Variants in MRPS21 observed in about 807,000 individuals in gnomAD.
MRPS21 encodes small ribosomal subunit protein bS21m.
Under a neutral mutation model 9.9 loss-of-function variants are expected in MRPS21, and 8 were observed. The ratio of observed to expected loss-of-function variants is 0.81; its 90% CI spans 0.47 to 1.45. The LOEUF (loss-of-function observed/expected upper bound fraction) is 1.45. Among genes scored for constraint, MRPS21 ranks in the 40% most tolerant of loss-of-function variants. MRPS21 has a pLI of 0.00. For missense variants in MRPS21, 101 were observed against 118.9 expected (o/e 0.85, Z 0.70); for synonymous variants, 40 against 40.3 (o/e 0.99, Z 0.03).
At chr1:150,294,896 C>CAAA (rs143847321) in intron 2 of MRPS21, among the ~76,000 whole-genome samples, 3 of 136,360 alleles carry the variant, frequency 2.2e-5, no homozygotes, top group Non-Finnish European at 3.1e-5. Flanking sequence ...GACTCTATCT[C>CAAA]AAAAAAAAAG....
At chr1:150,296,785 A>G (rs1287205449) in intron 2 of MRPS21, among the ~76,000 whole-genome samples, 1 of 152,084 alleles carries the variant, frequency 6.6e-6, no homozygotes, top group Non-Finnish European at 1.5e-5. Flanking sequence ...AAATGGAAAG[A>G]CTTATGGTGG....
chr1:150,305,594 GT>G (rs1301191274), intron 2 of MRPS21, among the ~76,000 whole-genome samples: 1 of 152,052 alleles, frequency 6.6e-6, no homozygotes, highest in Non-Finnish European at 1.5e-5. Context: ...TATAGGGCAC[GT>G]GTTTTGTTTT....
chr1:150,305,218 T>G (rs186565846), intron 2 of MRPS21, among the ~76,000 whole-genome samples: 43 of 152,172 alleles, frequency 2.8e-4, no homozygotes, highest in African/African-American at 9.1e-4. Context: ...TTTTATTTTT[T>G]GTGGAGATGG....
chr1:150,294,338 C>A lies in MRPS21; in HGVS notation c.-29C>A. On this transcript the variant is annotated 5_prime_UTR_variant, in exon 2 of 3. Transcript: ENST00000614145. ...CCCTTTCTCCATCATCCTTTAGGCTCTACAGAGTGAAGGTTTAAATCCAAG... is the reference window on the plus strand; with the variant it reads ...CCCTTTCTCCATCATCCTTTAGGCTATACAGAGTGAAGGTTTAAATCCAAG... 1 of 1,586,708 alleles carries A rather than the reference C, an allele frequency of 6.3e-7. No individual in the cohort carries two copies. Among genetic ancestry groups the A allele is most frequent in the Non-Finnish European group, 8.6e-7 (1 of 1,156,704 alleles).
chr1:150,302,172 TACA>T (rs1553857807), intron 2 of MRPS21, among the ~76,000 whole-genome samples: 2 of 152,142 alleles, frequency 1.3e-5, no homozygotes, highest in Non-Finnish European at 1.5e-5. Context: ...GTGGTCTAAT[TACA>T]ACAATAGGTA....
chr1:150,306,179 G>A (rs1654323922), intron 2 of MRPS21, among the ~76,000 whole-genome samples: 1 of 152,174 alleles, frequency 6.6e-6, no homozygotes, highest in Admixed American at 6.6e-5. Context: ...AGTGGAAATA[G>A]GGCAACCTAC....
intron 2 of MRPS21, among the ~76,000 whole-genome samples, chr1:150,296,398 G>T (rs1407329256): frequency 1.3e-5 from 2 of 152,212 alleles, no homozygotes; most frequent in Non-Finnish European, 2.9e-5. Context: ...ACAAACGCTT[G>T]TTGAGTTGAA....
intron 2 of MRPS21, among the ~76,000 whole-genome samples, chr1:150,300,871 C>CT (rs1654089202): frequency 6.6e-6 from 1 of 152,044 alleles, no homozygotes; most frequent in Admixed American, 6.6e-5. Flanking sequence ...GAATTATATT[C>CT]TTTTCTTTTT....
intron 2 of MRPS21, among the ~76,000 whole-genome samples, chr1:150,298,002 C>T (rs966852954): frequency 3.3e-5 from 5 of 151,472 alleles, no homozygotes; most frequent in African/African-American, 1.2e-4. Context: ...GGTGCCATCT[C>T]GGCTCACCGC....
rs1653943621 is a variant in MRPS21 at position 150,297,163 on chromosome 1, C to T, written c.83+2714C>T. Among the ~76,000 whole-genome samples the T allele has an allele frequency of 1.3e-5, 2 of 151,936 alleles. 1 individual carries two copies. The highest frequency in any genetic ancestry group is 4.8e-5 in the African/African-American group (2 of 41,348). On this transcript the variant is annotated intron_variant, in intron 2 of 2. Coordinates refer to ENST00000614145, the MANE Select transcript of MRPS21 (RefSeq NM_031901.6). ...AAGATTAGCCGGGCGTGGTGGCACA[C>T]ACCTGTAGTCCCAGCTACTGAGGAG...
In MRPS21 at chr1:150,294,460, A is replaced by G; in HGVS notation, c.83+11A>G. On this transcript the variant is annotated intron_variant, in intron 2 of 2. Coordinates refer to ENST00000614145, the MANE Select transcript of MRPS21 (RefSeq NM_031901.6). ...CAGGACCCTAAACAGGTAACTGTTA[A>G]GGGACCAGAATCATGCCTAGACTCT... The G allele has an allele frequency of 6.2e-7, 1 of 1,601,362 alleles. No homozygotes were observed.
intron 2 of MRPS21, among the ~76,000 whole-genome samples, chr1:150,302,774 C>A (rs1247224957): frequency 1.3e-5 from 2 of 152,084 alleles, no homozygotes; most frequent in East Asian, 3.9e-4. Flanking sequence ...TTTCTTGCAT[C>A]CTTTTCTGTT....
chr1:150,297,679 GGTCT>G (rs1480432180), intron 2 of MRPS21, among the ~76,000 whole-genome samples: 1 of 146,420 alleles, frequency 6.8e-6, no homozygotes, highest in Non-Finnish European at 1.5e-5. Flanking sequence ...AAAAAAATCT[GGTCT>G]GGGGTCAGCC....
intron 2 of MRPS21, 113 bp downstream of exon 2, chr1:150,294,562 C>A (rs1416494134): frequency 2.8e-5 from 26 of 914,390 alleles, no homozygotes; most frequent in Non-Finnish European, 4.3e-5. Flanking sequence ...CAGGTGTTCA[C>A]AGTCTCTTAA....
chr1:150,294,140 T>G, intron 1 of MRPS21, 195 bp from the exon 2 acceptor site: 1 of 473,398 alleles, frequency 2.1e-6, no homozygotes, highest in Non-Finnish European at 4.0e-6. Flanking sequence ...TTCTTCTCTA[T>G]GCGAGGATTT....
chr1:150,306,859 A>G (rs1342674370), intron 2 of MRPS21, among the ~76,000 whole-genome samples: 1 of 152,058 alleles, frequency 6.6e-6, no homozygotes, highest in Non-Finnish European at 1.5e-5. Flanking sequence ...CTTACTGAAA[A>G]TGGCTCTCCC....
At position 150,305,836 on chromosome 1, in the gene MRPS21, C is replaced by A. The variant is rs191694709; in HGVS notation, c.84-2212C>A. Among the ~76,000 whole-genome samples the A allele has an allele frequency of 4.8e-3, 720 of 150,996 alleles. 12 individuals are homozygous for A. The highest frequency in any genetic ancestry group is 1.9e-3 in the Non-Finnish European group (132 of 67,864). ...TCTCGAACTCCTGACCTCAAGTGAT[C>A]AGTAGGGCAGGTTATTAAAAGATAT... On this transcript the variant is annotated intron_variant, in intron 2 of 2. Transcript: ENST00000614145.
intron 2 of MRPS21, among the ~76,000 whole-genome samples, chr1:150,299,346 C>A (rs587671024): frequency 1.3e-5 from 2 of 152,012 alleles, no homozygotes; most frequent in Admixed American, 6.6e-5. Context: ...ATTGTCTATA[C>A]CCCTTTTTAT....
intron 2 of MRPS21, among the ~76,000 whole-genome samples, chr1:150,298,925 G>A (rs890589854): frequency 6.6e-6 from 1 of 152,156 alleles, no homozygotes; most frequent in Non-Finnish European, 1.5e-5. Context: ...GTTGTATCAA[G>A]AGAGTAGCGG....
Sources: gnomAD v4.1 joint callset for allele counts (sites outside exome capture counted in the v4.1 genomes callset) on GRCh38, gnomAD v4.1.1 for gene constraint, MANE v1.5 for transcripts, NCBI Gene and HGNC (gene_info 2026-07-23, HGNC 2026-07-21) for gene names.